The following LAMB4 variants were observed in gnomAD, a reference collection of about 807,000 sequenced individuals.
The protein encoded by LAMB4 is laminin subunit beta-4.
LAMB4 carries 196 observed loss-of-function variants against 199.2 expected under a neutral mutation model. The observed-to-expected ratio is 0.98, with a 90% confidence interval of 0.88 to 1.11. The LOEUF is 1.11. Among genes scored for constraint, LAMB4 ranks in the 50% least tolerant of loss-of-function variants. The probability of loss-of-function intolerance (pLI) is 0.00; values close to 1 mark genes in which losing one functional copy is unlikely to be tolerated. For synonymous variants in LAMB4, 744 were observed against 770.6 expected (o/e 0.97, Z 0.57); for missense variants, 2,080 against 2,171.2 (o/e 0.96, Z 0.83).
In LAMB4 at chr7:108,102,756, C is replaced by T. The variant is rs531972461; in HGVS notation, c.1180+288G>A. Among the ~76,000 whole-genome samples, 50 of 152,274 alleles carry T rather than the reference C, an allele frequency of 3.3e-4. No homozygotes were observed. In the South Asian group the frequency reaches 0.01, roughly 32 times the overall value. Reference sequence around the variant, plus strand: ...CAGTCGAATGTTTTAGCCAATTTTACCACTTTGGTTCCTCCCCCAGCAGGC... The same window carrying T: ...CAGTCGAATGTTTTAGCCAATTTTATCACTTTGGTTCCTCCCCCAGCAGGC... On this transcript the variant is annotated intron_variant, in intron 10 of 33. Transcript: ENST00000388781.
chr7:108,064,788 C>G (rs1336329481), intron 21 of LAMB4, among the ~76,000 whole-genome samples: 1 of 151,922 alleles, frequency 6.6e-6, no homozygotes, highest in Non-Finnish European at 1.5e-5. Context: ...TGGTAATTAT[C>G]ATTAGTATTG....
At chr7:108,047,293 C>A (rs979142567) in intron 28 of LAMB4, among the ~76,000 whole-genome samples, 1 of 151,996 alleles carries the variant, frequency 6.6e-6, no homozygotes, top group Admixed American at 6.6e-5. Context: ...AGTGTGCCTG[C>A]CTCTTCTGCC....
At chr7:108,015,064 T>G in the LAMB4 span, among the ~76,000 whole-genome samples, 3 of 152,208 alleles carry the variant, frequency 2.0e-5, no homozygotes, top group Non-Finnish European at 4.4e-5. Context: ...ATTTAAGACA[T>G]CCTATCAGTC....
At chr7:108,124,089 A>T (rs7793829) in intron 1 of LAMB4, among the ~76,000 whole-genome samples, 8,227 of 152,040 alleles carry the variant, frequency 0.054, 721 homozygotes, top group African/African-American at 0.19. Flanking sequence ...ATGGTGGACC[A>T]GTGCAGCCTC....
chr7:108,027,052 G>C (rs1732157), intron 33 of LAMB4: 4 of 369,562 alleles, frequency 1.1e-5, no homozygotes, highest in African/African-American at 8.6e-5. Context: ...TGGAAACAAT[G>C]TGTGTATGAC....
chr7:108,060,664 A>G (rs984949177), intron 23 of LAMB4, among the ~76,000 whole-genome samples: 2 of 152,230 alleles, frequency 1.3e-5, no homozygotes, highest in Admixed American at 6.5e-5. Flanking sequence ...GAGATCTTCT[A>G]GTGACCAAAG....
chr7:108,049,277 A>G, intron 27 of LAMB4, 49 bp downstream of exon 27: 1 of 925,298 alleles, frequency 1.1e-6, no homozygotes, highest in African/African-American at 1.7e-5. Flanking sequence ...AGGTTCATAT[A>G]CCAAGTAAAA....
intron 4 of LAMB4, 104 bp downstream of exon 4, chr7:108,111,707 C>G (rs2038229941): frequency 3.1e-6 from 3 of 979,918 alleles, no homozygotes; most frequent in African/African-American, 1.7e-5. Flanking sequence ...CTGTTCCATT[C>G]CAATATAATA....
intron 2 of LAMB4, among the ~76,000 whole-genome samples, chr7:108,121,306 A>G (rs1327225680): frequency 6.6e-6 from 1 of 152,232 alleles, no homozygotes; most frequent in Non-Finnish European, 1.5e-5. Flanking sequence ...AATTACTGTT[A>G]CTATATAATT....
chr7:108,037,274 C>T (rs1343920658), intron 30 of LAMB4, 114 bp downstream of exon 30: 2 of 811,454 alleles, frequency 2.5e-6, no homozygotes, highest in Non-Finnish European at 2.0e-6. Flanking sequence ...GGGCACTGAA[C>T]TATCAGAAGG....
chr7:108,034,890 C>T (rs925820028), intron 30 of LAMB4, among the ~76,000 whole-genome samples: 2 of 152,184 alleles, frequency 1.3e-5, no homozygotes, highest in African/African-American at 4.8e-5. Flanking sequence ...CAGAAAGGAA[C>T]TCACCTCAAG....
chr7:108,103,322 C>T, intron 9 of LAMB4, 90 bp from the exon 10 acceptor site: 1 of 1,004,780 alleles, frequency 1.0e-6, no homozygotes, highest in South Asian at 1.8e-5. Flanking sequence ...CCCGCTAGTC[C>T]TCCTTGTCCT....
At chr7:108,067,347 T>G (rs564542642) in intron 19 of LAMB4, among the ~76,000 whole-genome samples, 1 of 152,338 alleles carries the variant, frequency 6.6e-6, no homozygotes, top group African/African-American at 2.4e-5. Flanking sequence ...GAAAGGAAAT[T>G]AACCTACCTG....
chr7:108,122,264 A>G (rs1385341483), intron 2 of LAMB4, among the ~76,000 whole-genome samples: 3 of 152,330 alleles, frequency 2.0e-5, no homozygotes, highest in African/African-American at 7.2e-5. Context: ...TTCAAAGAGA[A>G]CATGTAAGGC....
At chr7:108,123,979 G>A (rs1303354696) in intron 1 of LAMB4, among the ~76,000 whole-genome samples, 2 of 151,994 alleles carry the variant, frequency 1.3e-5, no homozygotes, top group Admixed American at 6.6e-5. Flanking sequence ...ACACTTCAGT[G>A]GGTCTGGAGA....
intron 11 of LAMB4, among the ~76,000 whole-genome samples, chr7:108,097,632 A>G (rs542776741): frequency 1.6e-4 from 25 of 152,290 alleles, no homozygotes; most frequent in African/African-American, 6.0e-4. Context: ...AAAAATACAA[A>G]AAATTAGCCG....
rs771569534 is a variant in LAMB4, at chr7:108,055,853, G to A, written c.3534C>T (p.Cys1178=). 1.2e-6 allele frequency: 2 copies of A among 1,614,056 alleles called. No homozygotes were observed. Among genetic ancestry groups the A allele is most frequent in the Non-Finnish European group, 1.7e-6 (2 of 1,180,034 alleles). The change falls in exon 25 of 34, where the codon TGC becomes TGT. Residue 1178 remains cysteine, a synonymous_variant. Transcript: ENST00000388781. ...EFPTCLQCHL[C]FDQWDHTISS... ...AAATGGTGTGGTCCCACTGATCAAAGCACAAGTGACATTGAAGACAAGTAG... is the reference window on the plus strand; with the variant it reads ...AAATGGTGTGGTCCCACTGATCAAAACACAAGTGACATTGAAGACAAGTAG...
chr7:108,104,936 T>TG (rs1284613399), intron 8 of LAMB4, among the ~76,000 whole-genome samples: 9 of 151,128 alleles, frequency 6.0e-5, no homozygotes, highest in African/African-American at 2.2e-4. Flanking sequence ...TGTGGGGAGT[T>TG]GGGGGGGAGT....
At chr7:108,035,692 A>G (rs894682896) in intron 30 of LAMB4, among the ~76,000 whole-genome samples, 2 of 150,092 alleles carry the variant, frequency 1.3e-5, no homozygotes, top group Non-Finnish European at 3.0e-5. Context: ...AGGATATTGT[A>G]GCAAAATTTT....
Sources: allele counts gnomAD v4.1 joint callset (sites outside exome capture counted in the v4.1 genomes callset), GRCh38; gene constraint gnomAD v4.1.1; transcripts MANE v1.5; gene names NCBI Gene and HGNC (gene_info 2026-07-23, HGNC 2026-07-21).